KIF21A: variants seen among roughly 807,000 people sequenced by gnomAD.
KIF21A encodes kinesin family member 21A, also known as kinesin-like protein KIF21A.
KIF21A carries 114 observed loss-of-function variants against 202.9 expected under a neutral mutation model. The observed-to-expected ratio is 0.56, with a 90% CI of 0.48 to 0.66. The LOEUF is 0.66. KIF21A is among the 30% of genes least tolerant of loss of function. KIF21A has a pLI of 0.00. For missense variants in KIF21A, 1,677 were observed against 1,994.9 expected (o/e 0.84, Z 3.04); for synonymous variants, 667 against 670.8 (o/e 0.99, Z 0.09).
chr12:39,387,180 AC>A (rs1361768197), intron 1 of KIF21A, among the ~76,000 whole-genome samples: 3 of 151,398 alleles, frequency 2.0e-5, no homozygotes, highest in Admixed American at 6.6e-5. Context: ...ACACACACAC[AC>A]ACACACACAC....
chr12:39,338,111 T>C (rs1203064561), intron 16 of KIF21A, among the ~76,000 whole-genome samples: 1 of 152,198 alleles, frequency 6.6e-6, no homozygotes, highest in South Asian at 2.1e-4. Context: ...GACAGCTCCA[T>C]GTGTGTTAAT....
intron 1 of KIF21A, among the ~76,000 whole-genome samples, chr12:39,396,017 C>T (rs998965543): frequency 2.0e-5 from 3 of 151,844 alleles, no homozygotes; most frequent in African/African-American, 7.3e-5. Context: ...AGGCACAGGG[C>T]CCCTGTGGAA....
intron 31 of KIF21A, among the ~76,000 whole-genome samples, chr12:39,314,328 A>G (rs1944310581): frequency 6.6e-6 from 1 of 151,848 alleles, no homozygotes; most frequent in Non-Finnish European, 1.5e-5. Context: ...CAATTTAACC[A>G]GATTAAAATT....
intron 1 of KIF21A, among the ~76,000 whole-genome samples, chr12:39,381,958 G>A (rs150090229): frequency 1.6e-4 from 24 of 152,300 alleles, no homozygotes; most frequent in African/African-American, 5.8e-4. Flanking sequence ...AGAAGACTAT[G>A]TTTAAGAGCT....
At chr12:39,366,220 T>C in intron 6 of KIF21A, 130 bp downstream of exon 6, 1 of 777,266 alleles carries the variant, frequency 1.3e-6, no homozygotes, top group Non-Finnish European at 2.2e-6. Context: ...GCATTACTAA[T>C]AACTGTTCTA....
At chr12:39,318,874 G>C (rs1453631216) in intron 28 of KIF21A, among the ~76,000 whole-genome samples, 2 of 152,062 alleles carry the variant, frequency 1.3e-5, no homozygotes, top group African/African-American at 2.4e-5. Flanking sequence ...CCAGCTACTC[G>C]GGAGACTGAG....
intron 1 of KIF21A, among the ~76,000 whole-genome samples, chr12:39,430,845 C>T (rs1265720884): frequency 6.6e-6 from 1 of 152,054 alleles, no homozygotes; most frequent in Non-Finnish European, 1.5e-5. Flanking sequence ...CATGATGAAA[C>T]TAGTGGCTTT....
intron 1 of KIF21A, among the ~76,000 whole-genome samples, chr12:39,386,710 A>AGTC (rs1252779852): frequency 6.6e-6 from 1 of 152,238 alleles, no homozygotes; most frequent in Non-Finnish European, 1.5e-5. Context: ...TAAATAAAGC[A>AGTC]GTCTCAGGCA....
intron 35 of KIF21A, 141 bp from the exon 36 acceptor site, chr12:39,303,276 G>A (rs912528242): frequency 2.8e-6 from 2 of 710,180 alleles, no homozygotes; most frequent in African/African-American, 3.6e-5. Context: ...TTTGTTAAAT[G>A]TTTTCTTTTT....
intron 1 of KIF21A, among the ~76,000 whole-genome samples, chr12:39,383,122 T>G (rs938871992): frequency 6.6e-6 from 1 of 152,230 alleles, no homozygotes; most frequent in South Asian, 2.1e-4. Flanking sequence ...TGCATGAATG[T>G]ACTAGAGAAA....
intron 28 of KIF21A, among the ~76,000 whole-genome samples, chr12:39,319,401 G>A (rs537474542): frequency 1.8e-4 from 28 of 152,194 alleles, no homozygotes; most frequent in Admixed American, 5.9e-4. Flanking sequence ...AAAACACACA[G>A]AAGAAACATT....
chr12:39,302,351 A>C (rs1393086036), intron 36 of KIF21A, among the ~76,000 whole-genome samples: 1 of 152,158 alleles, frequency 6.6e-6, no homozygotes, highest in Non-Finnish European at 1.5e-5. Flanking sequence ...TCATCTGCTG[A>C]TTACAAGCAG....
At chr12:39,319,096 GCACGGAAAAT>G (rs1944915036) in intron 28 of KIF21A, among the ~76,000 whole-genome samples, 1 of 152,168 alleles carries the variant, frequency 6.6e-6, no homozygotes, top group South Asian at 2.1e-4. Flanking sequence ...GTCCATTTAG[GCACGGAAAAT>G]AAATGAACAC....
chr12:39,424,121 C>T (rs1337088779), intron 1 of KIF21A, among the ~76,000 whole-genome samples: 1 of 151,460 alleles, frequency 6.6e-6, no homozygotes, highest in Admixed American at 6.6e-5. Context: ...TCTCATTAAC[C>T]TACTGTAATC....
intron 10 of KIF21A, among the ~76,000 whole-genome samples, chr12:39,355,918 G>A (rs1948746005): frequency 6.6e-6 from 1 of 151,842 alleles, no homozygotes; most frequent in Admixed American, 6.6e-5. Flanking sequence ...GCCACAGTTT[G>A]AGAACCTCTA....
At chr12:39,297,634 C>T (rs1942526989) in intron 37 of KIF21A, among the ~76,000 whole-genome samples, 1 of 150,304 alleles carries the variant, frequency 6.7e-6, no homozygotes, top group East Asian at 2.0e-4. Context: ...ATACCTAATG[C>T]TAGATGACGA....
At chr12:39,301,817 A>G in intron 36 of KIF21A, 138 bp from the exon 37 acceptor site, 1 of 755,432 alleles carries the variant, frequency 1.3e-6, no homozygotes, top group Non-Finnish European at 2.2e-6. Context: ...TTTCTATGCA[A>G]TCACTCTTAG....
chr12:39,353,673 AT>A (rs1236669833), intron 10 of KIF21A, among the ~76,000 whole-genome samples: 5 of 152,126 alleles, frequency 3.3e-5, no homozygotes, highest in Non-Finnish European at 5.9e-5. Flanking sequence ...GTAATAAATA[AT>A]GTAGGTATTT....
At position 39,435,224 on chromosome 12, in the gene KIF21A, C is replaced by T. The variant is rs187331538; in HGVS notation, c.44+7703G>A. 8.8e-4 allele frequency among the ~76,000 whole-genome samples: 134 copies of T among 152,298 alleles called. 1 individual carries two copies. The highest frequency in any genetic ancestry group is 3.1e-3 in the African/African-American group (128 of 41,572). The stretch of plus-strand genomic sequence containing the variant: ...AAGTAGATTGACCCTGGGGTTAAAT[C>T]CTGAATGACCTTTATTACAGTCTGG... On this transcript the variant is annotated intron_variant, in intron 1 of 37. Coordinates refer to ENST00000361418, the MANE Select transcript of KIF21A (RefSeq NM_001173464.2).
Sources: allele counts gnomAD v4.1 joint callset (sites outside exome capture counted in the v4.1 genomes callset), GRCh38; gene constraint gnomAD v4.1.1; transcripts MANE v1.5; gene names NCBI Gene and HGNC (gene_info 2026-07-23, HGNC 2026-07-21).